The following DNAI4 variants were observed in gnomAD, a reference collection of about 807,000 sequenced individuals.
DNAI4 encodes the protein WD repeat domain 78.
Under a neutral mutation model 105.8 loss-of-function variants are expected in DNAI4, and 85 were observed. That is an observed-to-expected ratio of 0.80 (90% CI 0.67 to 0.96). DNAI4 has a LOEUF of 0.96. Ranked by LOEUF, DNAI4 falls within the 40% of genes least tolerant of loss-of-function variation. The pLI is 0.00. For synonymous variants in DNAI4, 352 were observed against 331.5 expected (o/e 1.06, Z -0.67); for missense variants, 1,014 against 1,005.6 (o/e 1.01, Z -0.11).
intron 16 of DNAI4, among the ~76,000 whole-genome samples, chr1:66,821,717 G>A (rs551701809): frequency 2.9e-4 from 44 of 151,444 alleles, no homozygotes; most frequent in South Asian, 2.3e-3. Flanking sequence ...TTTTCATATT[G>A]ATTTGTGCAT....
Position 66,840,432 on chromosome 1 carries a change from G to A in DNAI4, c.1494+37C>T, listed in dbSNP as rs376381885. The A allele has an allele frequency of 7.5e-5, 118 of 1,565,192 alleles. 1 individual carries two copies. The African/African-American group carries it at 1.5e-3, about 20-fold the overall frequency. On this transcript the variant is annotated intron_variant, in intron 9 of 16. Transcript: ENST00000371026. ...TCGAACTTGATAATTTCCCTTCAAT[G>A]CTAGAAACAGAATTGTTCAAATGTT... is the stretch of plus-strand genomic sequence containing the variant.
intron 8 of DNAI4, among the ~76,000 whole-genome samples, chr1:66,846,052 T>C (rs1231157704): frequency 6.6e-6 from 1 of 152,220 alleles, no homozygotes; most frequent in Non-Finnish European, 1.5e-5. Flanking sequence ...ACATTTGCTA[T>C]GGTATTTTTA....
At chr1:66,836,198 A>AAGAAAGAG (rs1645993087) in intron 10 of DNAI4, among the ~76,000 whole-genome samples, 1 of 62,944 alleles carries the variant, frequency 1.6e-5, no homozygotes, top group Non-Finnish European at 3.8e-5. Flanking sequence ...GAAAGAAAGA[A>AAGAAAGAG]AGAAAGAAAG....
chr1:66,842,609 C>G (rs1646174473), intron 8 of DNAI4, among the ~76,000 whole-genome samples: 1 of 152,066 alleles, frequency 6.6e-6, no homozygotes, highest in Non-Finnish European at 1.5e-5. Context: ...GTTGGCCAGG[C>G]TTGTCTTGAA....
chr1:66,890,866 G>GAA lies in DNAI4; in HGVS notation c.643+287_643+288insTT. ...AGGAAGAGGAAGAAGAAGAGGAAGAGGAAGAAGAAGAAGAAGAAGCAGAAG... is the reference window on the plus strand; with the variant it reads ...AGGAAGAGGAAGAAGAAGAGGAAGAGAAGAAGAAGAAGAAGAAGAAGCAGAAG... On this transcript the variant is annotated intron_variant, in intron 4 of 16. Coordinates refer to ENST00000371026, the MANE Select transcript of DNAI4 (RefSeq NM_024763.5). This position sits in a 1 kb window ranked among gnomAD's most constrained non-coding sequence, Gnocchi z 4.1. 4.8e-6 allele frequency: 2 copies of GAA among 419,942 alleles called. No individual in the cohort carries two copies. The highest frequency in any genetic ancestry group is 4.3e-5 in the African/African-American group (2 of 46,808). The allele number at this position is 419,942 out of a possible 1,614,324, so 26.0% of individuals were successfully genotyped here.
chr1:66,900,984 C>T (rs962932196), intron 2 of DNAI4, among the ~76,000 whole-genome samples: 6 of 152,140 alleles, frequency 3.9e-5, no homozygotes, highest in Admixed American at 6.5e-5. Flanking sequence ...AGATTAAGTG[C>T]AATTAAGTAT....
intron 2 of DNAI4, among the ~76,000 whole-genome samples, chr1:66,898,180 G>A (rs1240751604): frequency 6.6e-6 from 1 of 152,196 alleles, no homozygotes; most frequent in Non-Finnish European, 1.5e-5. Flanking sequence ...CTCCCTTTTA[G>A]AATGGGAATG....
intron 7 of DNAI4, among the ~76,000 whole-genome samples, chr1:66,861,710 A>G (rs1646629887): frequency 6.6e-6 from 1 of 152,208 alleles, no homozygotes; most frequent in Non-Finnish European, 1.5e-5. Flanking sequence ...AGTCATGAAA[A>G]ACAAGAATGT....
intron 6 of DNAI4, among the ~76,000 whole-genome samples, chr1:66,867,054 C>A (rs957577824): frequency 1.3e-5 from 2 of 152,088 alleles, no homozygotes; most frequent in Non-Finnish European, 2.9e-5. Flanking sequence ...TGAAGGTAAC[C>A]ACCCCCGTGA....
intron 13 of DNAI4, 44 bp from the exon 14 acceptor site, chr1:66,827,954 G>T (rs1645790187): frequency 8.1e-7 from 1 of 1,228,948 alleles, no homozygotes; most frequent in Non-Finnish European, 1.2e-6. Context: ...TGATACATTA[G>T]TAAGTGTGAT....
intron 11 of DNAI4, 132 bp from the exon 12 acceptor site, chr1:66,834,280 T>C (rs551421585): frequency 5.3e-5 from 33 of 622,162 alleles, no homozygotes; most frequent in African/African-American, 1.4e-4. Flanking sequence ...TGTTCAAAAA[T>C]AGACTTTTAT....
At chr1:66,834,387 TTAACTA>T (rs1645937243) in intron 11 of DNAI4, among the ~76,000 whole-genome samples, 1 of 152,102 alleles carries the variant, frequency 6.6e-6, no homozygotes, top group African/African-American at 2.4e-5. Flanking sequence ...GTACTGGTCT[TTAACTA>T]TATTAGCTAT....
chr1:66,892,959 AAGAAAG>A (rs1557964378), intron 3 of DNAI4, among the ~76,000 whole-genome samples: 1 of 113,210 alleles, frequency 8.8e-6, no homozygotes, highest in African/African-American at 4.1e-5. Context: ...AGAAGAAAGA[AAGAAAG>A]AAAGAAAGAA....
intron 7 of DNAI4, among the ~76,000 whole-genome samples, chr1:66,849,770 A>G (rs1646356534): frequency 6.6e-6 from 1 of 152,338 alleles, no homozygotes; most frequent in East Asian, 1.9e-4. Flanking sequence ...AGTGAAAAAC[A>G]TAACTAAAAT....
intron 1 of DNAI4, among the ~76,000 whole-genome samples, chr1:66,920,184 G>C (rs897677475): frequency 2.6e-5 from 4 of 152,172 alleles, no homozygotes; most frequent in African/African-American, 9.7e-5. Flanking sequence ...GAGAGAAGTG[G>C]CTTGACTTCA....
chr1:66,826,908 AAAC>A lies in DNAI4; in HGVS notation c.2248_2250del (p.Val750del). ...GATTTTGGAGACCAGGCAACGTCGT[AAAC>A]AACAGAAGTAGCTGGATAAAAACTC... is the stretch of plus-strand genomic sequence containing the variant. On this transcript the variant is annotated inframe_deletion, in exon 15 of 17. Transcript: ENST00000371026. 6.2e-7 allele frequency: 1 copy of A among 1,614,174 alleles called. No individual in the cohort carries two copies. The highest frequency in any genetic ancestry group is 8.5e-7 in the Non-Finnish European group (1 of 1,180,012).
chr1:66,858,875 C>T (rs1294799038), intron 7 of DNAI4, among the ~76,000 whole-genome samples: 1 of 152,012 alleles, frequency 6.6e-6, no homozygotes, highest in African/African-American at 2.4e-5. Flanking sequence ...AAACTGAAAA[C>T]TTTCCCCTAA....
At chr1:66,856,491 TAA>T (rs968855964) in intron 7 of DNAI4, among the ~76,000 whole-genome samples, 1 of 151,038 alleles carries the variant, frequency 6.6e-6, no homozygotes, top group Non-Finnish European at 1.5e-5. Context: ...AAAATAAAAA[TAA>T]AAAAAAATTC....
At chr1:66,854,516 G>T (rs1375378111) in intron 7 of DNAI4, among the ~76,000 whole-genome samples, 1 of 152,174 alleles carries the variant, frequency 6.6e-6, no homozygotes, top group African/African-American at 2.4e-5. Context: ...GGTTGAAGAA[G>T]ATCTTGGCCG....
Sources: gnomAD v4.1 joint callset for allele counts (sites outside exome capture counted in the v4.1 genomes callset) on GRCh38, gnomAD v4.1.1 for gene constraint, Gnocchi (gnomAD v3.1) non-coding constraint, MANE v1.5 for transcripts, NCBI Gene and HGNC (gene_info 2026-07-23, HGNC 2026-07-21) for gene names.